Variants in PATL1 observed in about 807,000 individuals in gnomAD.
The protein encoded by PATL1 is protein PAT1 homolog 1.
PATL1 carries 32 observed loss-of-function variants against 100.6 expected under a neutral mutation model. That is an observed-to-expected ratio of 0.32 (90% CI 0.24 to 0.43). The LOEUF (loss-of-function observed/expected upper bound fraction) is 0.43. Ranked by LOEUF, PATL1 falls within the 20% of genes least tolerant of loss-of-function variation. The probability of loss-of-function intolerance (pLI) is 1.00; values close to 1 mark genes in which losing one functional copy is unlikely to be tolerated. For synonymous variants in PATL1, 332 were observed against 330.0 expected (o/e 1.01, Z -0.07); for missense variants, 747 against 949.9 (o/e 0.79, Z 2.81).
At chr11:59,663,042 T>C (rs1861647617) in intron 2 of PATL1, among the ~76,000 whole-genome samples, 1 of 152,152 alleles carries the variant, frequency 6.6e-6, no homozygotes, top group Admixed American at 6.6e-5. Flanking sequence ...TTTAGAGATA[T>C]TGTGCCCTTA....
chr11:59,667,228 TC>T, intron 1 of PATL1: 1 of 402,444 alleles, frequency 2.5e-6, no homozygotes, highest in Non-Finnish European at 3.4e-6. Flanking sequence ...TTATCAAGAA[TC>T]CACGAACAGC....
At chr11:59,655,762 T>G in intron 7 of PATL1, 22 bp from the exon 8 acceptor site, 1 of 1,555,388 alleles carries the variant, frequency 6.4e-7, no homozygotes, top group Non-Finnish European at 8.7e-7. Context: ...AAGAAGATCT[T>G]AGATTTAGAC....
intron 11 of PATL1, 131 bp downstream of exon 11, chr11:59,652,333 C>T: frequency 2.3e-6 from 3 of 1,322,298 alleles, no homozygotes; most frequent in Non-Finnish European, 3.0e-6. Context: ...TTATTAAGAA[C>T]AATGGTACTT....
chr11:59,640,039 G>C (rs41340150), intron 16 of PATL1, among the ~76,000 whole-genome samples: 6,960 of 152,274 alleles, frequency 0.046, 354 homozygotes, highest in Admixed American at 0.13. Context: ...ACATGCTTTA[G>C]AGTATGCAAT....
chr11:59,667,141 C>G, intron 1 of PATL1, 177 bp from the exon 2 acceptor site: 1 of 883,012 alleles, frequency 1.1e-6, no homozygotes, highest in Non-Finnish European at 1.4e-6. Context: ...ATTTCATCAT[C>G]TTTCTTTCAC....
At chr11:59,664,866 T>C (rs1382878850) in intron 2 of PATL1, among the ~76,000 whole-genome samples, 3 of 152,204 alleles carry the variant, frequency 2.0e-5, no homozygotes, top group South Asian at 4.1e-4. Flanking sequence ...CCACCACAAA[T>C]AGCTTATTGT....
intron 17 of PATL1, 22 bp from the exon 18 acceptor site, chr11:59,639,219 A>T (rs879909635): frequency 6.2e-7 from 1 of 1,610,384 alleles, no homozygotes; most frequent in African/African-American, 1.3e-5. Context: ...GACCCATAAT[A>T]ATATCAGGAG....
At chr11:59,639,475 G>T in intron 16 of PATL1, 92 bp from the exon 17 acceptor site, 1 of 952,200 alleles carries the variant, frequency 1.1e-6, no homozygotes, top group Non-Finnish European at 1.6e-6. Context: ...ATGGGGAACA[G>T]CTCTAAATCA....
Position 59,657,643 on chromosome 11 carries a change from C to G in PATL1, c.508G>C (p.Glu170Gln), listed in dbSNP as rs372096422. The G allele has an allele frequency of 6.2e-7, 1 of 1,613,632 alleles. No individual in the cohort carries two copies. Among genetic ancestry groups the G allele is most frequent in the African/African-American group, 1.3e-5 (1 of 75,026 alleles). ...QGPEDDRDLSERALPRRSTSP... is the reference protein window; with the variant it reads ...QGPEDDRDLSQRALPRRSTSP... Reference sequence around the variant, plus strand: ...GTTGACCGCCTTGGTAATGCTCGTTCAGAAAGGTCCCGATCATCTTCTGGA... The same window carrying G: ...GTTGACCGCCTTGGTAATGCTCGTTGAGAAAGGTCCCGATCATCTTCTGGA... The change falls in exon 5 of 19, where the codon GAA becomes CAA. Residue 170 changes from glutamate (E) to glutamine (Q), a missense_variant. By Grantham distance (29) the Glu-to-Gln change is conservative. Coordinates refer to ENST00000300146, the MANE Select transcript of PATL1 (RefSeq NM_152716.3).
rs1194122871 is a variant in PATL1, at chr11:59,658,894, C to T, written c.398G>A (p.Arg133Lys). ...SSIWDGSEVLRRIRGPLLAQE... is the reference protein window; with the variant it reads ...SSIWDGSEVLKRIRGPLLAQE... ...AGCAAGCAGTGGTCCTCGGATTCGC[C>T]TCAGAACTTCAGATCCATCCCAGAT... Residue 133 changes from arginine to lysine, a missense_variant, in exon 4 of 19, where the codon AGG (arginine) becomes AAG (lysine). Arg to Lys is a conservative substitution (Grantham distance 26). This residue lies in a region of PATL1 where 183 missense variants were observed against 221.2 expected (regional missense o/e 0.83). Coordinates refer to ENST00000300146, the MANE Select transcript of PATL1 (RefSeq NM_152716.3). 5 of 1,549,582 alleles carry T rather than the reference C, an allele frequency of 3.2e-6. No individual in the cohort carries two copies.
chr11:59,659,887 G>C (rs1291152411), intron 2 of PATL1, among the ~76,000 whole-genome samples: 4 of 152,162 alleles, frequency 2.6e-5, no homozygotes, highest in African/African-American at 9.7e-5. Flanking sequence ...AAGATAGGTA[G>C]AAAGTTAAGT....
intron 2 of PATL1, among the ~76,000 whole-genome samples, chr11:59,661,787 A>C (rs888685073): frequency 2.0e-5 from 3 of 152,214 alleles, no homozygotes; most frequent in African/African-American, 7.2e-5. Flanking sequence ...CTTTTTATTT[A>C]AGCAATATGT....
In PATL1 at chr11:59,642,894, C is replaced by T. The variant is rs769018215; in HGVS notation, c.2035G>A (p.Val679Met). ...PALSNPHLTAVLQNKFGLSLL... is the reference protein window; with the variant it reads ...PALSNPHLTAMLQNKFGLSLL... The stretch of plus-strand genomic sequence containing the variant: ...GGCAAGATCACCTTGTTCTGGAGCA[C>T]AGCAGTGAGGTGAGGATTGGAGAGT... The change falls in exon 16 of 19, where the codon GTG becomes ATG. Residue 679 changes from valine (V) to methionine (M), a missense_variant. Val to Met is a conservative substitution (Grantham distance 21). This residue lies in a region of PATL1 where 434 missense variants were observed against 596.1 expected (regional missense o/e 0.73). Coordinates refer to ENST00000300146, the MANE Select transcript of PATL1 (RefSeq NM_152716.3). 1 of 1,613,298 alleles carries T rather than the reference C, an allele frequency of 6.2e-7. No individual in the cohort carries two copies. Among genetic ancestry groups the T allele is most frequent in the Non-Finnish European group, 8.5e-7 (1 of 1,179,596 alleles).
At chr11:59,646,816 G>A (rs1333507370) in intron 15 of PATL1, among the ~76,000 whole-genome samples, 2 of 152,102 alleles carry the variant, frequency 1.3e-5, no homozygotes, top group Admixed American at 6.6e-5. Context: ...TCTTTCAGGT[G>A]TGCTATGACA....
intron 1 of PATL1, among the ~76,000 whole-genome samples, chr11:59,668,467 G>A (rs983023799): frequency 1.3e-5 from 2 of 152,114 alleles, no homozygotes; most frequent in African/African-American, 4.8e-5. Context: ...AATTCGAGTG[G>A]AGGTGGGTGG....
chr11:59,645,351 G>C (rs1481993572), intron 15 of PATL1, among the ~76,000 whole-genome samples: 4 of 139,872 alleles, frequency 2.9e-5, no homozygotes, highest in Non-Finnish European at 6.1e-5. Flanking sequence ...TTCCCAGTAG[G>C]GGCGGCCAGG....
At chr11:59,647,462 G>A (rs1861380652) in intron 15 of PATL1, among the ~76,000 whole-genome samples, 1 of 152,174 alleles carries the variant, frequency 6.6e-6, no homozygotes, top group Admixed American at 6.5e-5. Flanking sequence ...GTTTGGGGTG[G>A]AGTTGAATTA....
chr11:59,643,867 T>C (rs1469080305), intron 15 of PATL1, among the ~76,000 whole-genome samples: 2 of 152,212 alleles, frequency 1.3e-5, no homozygotes, highest in Admixed American at 6.5e-5. Flanking sequence ...CCCAAGGCTG[T>C]TGAATTCCAG....
Position 59,637,927 on chromosome 11 carries a change from G to T in PATL1, c.*463C>A, listed in dbSNP as rs898981524. ...ATACATGTATGGGGTGTGTGTGTGT[G>T]TATCTATGTGTGTGTGTATATCTTG... On this transcript the variant is annotated 3_prime_UTR_variant, in exon 19 of 19. Transcript: ENST00000300146. 3 of 171,972 alleles carry T rather than the reference G, an allele frequency of 1.7e-5. No individual in the cohort carries two copies. The highest frequency in any genetic ancestry group is 1.1e-4 in the Admixed American group (2 of 17,810). 10.7% of individuals were successfully genotyped at this position (171,972 alleles called of 1,614,324 possible). A position where few individuals can be genotyped will look rare whatever the true frequency, so the allele number is the denominator to read the frequency against.
Sources: gnomAD v4.1 joint callset for allele counts (sites outside exome capture counted in the v4.1 genomes callset) on GRCh38, gnomAD v4.1.1 for gene constraint, gnomAD v4.1.1 regional missense constraint, MANE v1.5 for transcripts, NCBI Gene and HGNC (gene_info 2026-07-23, HGNC 2026-07-21) for gene names.